The following PGGHG variants were observed in gnomAD, a reference collection of about 807,000 sequenced individuals.
PGGHG encodes the protein protein-glucosylgalactosylhydroxylysine glucosidase.
Under a neutral mutation model 74.5 loss-of-function variants are expected in PGGHG, and 67 were observed. The observed-to-expected ratio is 0.90, with a 90% CI of 0.74 to 1.10. The LOEUF (loss-of-function observed/expected upper bound fraction) is 1.10, where lower values mean the gene tolerates loss of function less well. Among genes scored for constraint, PGGHG ranks in the 50% least tolerant of loss-of-function variants. PGGHG has a pLI of 0.00. For synonymous variants in PGGHG, 496 were observed against 419.9 expected (o/e 1.18, Z -2.21); for missense variants, 1,034 against 981.5 (o/e 1.05, Z -0.72).
chr11:294,933 G>A lies in PGGHG; in HGVS notation c.*184G>A, dbSNP rs1471133928. 1.7e-5 allele frequency: 11 copies of A among 666,190 alleles called. No homozygotes were observed. Among genetic ancestry groups the A allele is most frequent in the Admixed American group, 3.3e-5 (1 of 30,672 alleles). 41.3% of individuals were successfully genotyped at this position (666,190 alleles called of 1,614,324 possible). ...GTAGCCTGGACTCCCGTGGACCCCC[G>A]TGGGCAGGTGGCTTCCCCGTGGCAT... On this transcript the variant is annotated 3_prime_UTR_variant, in exon 14 of 14. Coordinates refer to ENST00000409548, the MANE Select transcript of PGGHG (RefSeq NM_025092.5).
chr11:294,198 T>A lies in PGGHG; in HGVS notation c.1808+2T>A. On this transcript the variant is annotated splice_donor_variant, in intron 12 of 13. Coordinates refer to ENST00000409548, the MANE Select transcript of PGGHG (RefSeq NM_025092.5). LOFTEE classifies it high-confidence loss of function. The stretch of plus-strand genomic sequence containing the variant: ...GGTCTTCGGGTGCACGGGGTTCAGG[T>A]AAGTGCAGAGGCTGGCAGAGGGCAG... The A allele has an allele frequency of 6.2e-7, 1 of 1,607,860 alleles. No homozygotes were observed. Among genetic ancestry groups the A allele is most frequent in the Non-Finnish European group, 8.5e-7 (1 of 1,176,802 alleles).
intron 5 of PGGHG, among the ~76,000 whole-genome samples, chr11:292,330 G>C (rs952329579): frequency 2.8e-4 from 42 of 152,126 alleles, no homozygotes. Flanking sequence ...CCCCTGGGGT[G>C]CCCTTGCTGC....
intron 2 of PGGHG, 112 bp downstream of exon 2, chr11:290,187 C>T: frequency 7.0e-7 from 1 of 1,431,052 alleles, no homozygotes; most frequent in Non-Finnish European, 9.2e-7. Flanking sequence ...GGAAGTCTCA[C>T]TAAGACAGGA....
At position 289,976 on chromosome 11, in the gene PGGHG, C is replaced by G. The variant is rs1222429658; in HGVS notation, c.160C>G (p.His54Asp). Residue 54 changes from histidine (H) to aspartate (D), a missense_variant, in exon 2 of 14, where the codon CAC becomes GAC. By Grantham distance (81) the His-to-Asp change is moderately conservative (BLOSUM62 -1). Transcript: ENST00000409548. This position sits in a 1 kb window ranked among gnomAD's most constrained non-coding sequence, Gnocchi z 5.6. Reference sequence around the variant, plus strand: ...GTACAATGGGGCTGGCGGGGACACGCACCGGGCCATGCTGCCCAGCCCCCT... The same window carrying G: ...GTACAATGGGGCTGGCGGGGACACGGACCGGGCCATGCTGCCCAGCCCCCT... ...GVYNGAGGDT[H>D]RAMLPSPLNV... 6.5e-7 allele frequency: 1 copy of G among 1,549,656 alleles called. No individual in the cohort carries two copies. The highest frequency in any genetic ancestry group is 8.7e-7 in the Non-Finnish European group (1 of 1,146,882).
rs1845817489 is a variant in PGGHG, at chr11:294,435, G to A, written c.1977G>A (p.Glu659=). Reference sequence around the variant, plus strand: ...CAGGGCCCTGGGCTCCTCACCTGGAGGCTGAGCTGTGGCCATCCCAGTCCC... The same window carrying A: ...CAGGGCCCTGGGCTCCTCACCTGGAAGCTGAGCTGTGGCCATCCCAGTCCC... ...ARAGPWAPHL[E]AELWPSQSRL... The change falls in exon 13 of 14, where the codon GAG becomes GAA. Residue 659 remains glutamate (E), a synonymous_variant. Transcript: ENST00000409548. 6.4e-7 allele frequency: 1 copy of A among 1,568,750 alleles called. No homozygotes were observed. The highest frequency in any genetic ancestry group is 1.8e-5 in the Admixed American group (1 of 56,618).
chr11:292,477 G>A, intron 5 of PGGHG, 69 bp from the exon 6 acceptor site: 4 of 1,585,854 alleles, frequency 2.5e-6, no homozygotes, highest in Non-Finnish European at 3.4e-6. Context: ...CAGGGCGAGG[G>A]CACGGGAAAG....
At chr11:294,217 A>G in intron 12 of PGGHG, 21 bp downstream of exon 12, 3 of 1,596,512 alleles carry the variant, frequency 1.9e-6, no homozygotes, top group Non-Finnish European at 2.6e-6. Flanking sequence ...AGGCTGGCAG[A>G]GGGCAGCCCA....
intron 4 of PGGHG, chr11:291,462 G>T (rs1408614441): frequency 3.3e-6 from 1 of 298,754 alleles, no homozygotes; most frequent in African/African-American, 2.2e-5. Context: ...TATCAGGACG[G>T]GGACCTGTGG....
chr11:291,928 G>C (rs367923655), intron 4 of PGGHG, 48 bp from the exon 5 acceptor site: 7 of 1,556,390 alleles, frequency 4.5e-6, no homozygotes, highest in Non-Finnish European at 5.2e-6. Flanking sequence ...GGAGGGGCGG[G>C]AGCAGTGACG....
At chr11:292,489 T>TG (rs1275473672) in intron 5 of PGGHG, 57 bp from the exon 6 acceptor site, 50 of 1,595,264 alleles carry the variant, frequency 3.1e-5, no homozygotes, top group Non-Finnish European at 4.2e-5. Flanking sequence ...ACGGGAAAGT[T>TG]GGGGGGCCAC....
rs149481543 is a variant in PGGHG at position 293,829 on chromosome 11, G to A, written c.1615-1G>A. On this transcript the variant is annotated splice_acceptor_variant, in intron 10 of 13. Coordinates refer to ENST00000409548, the MANE Select transcript of PGGHG (RefSeq NM_025092.5). LOFTEE classifies it high-confidence loss of function. ...GTGTGTCCTCTTACCTCTGACCCCA[G>A]AGCATGTTTGCTGTGGGCTGGATGG... The A allele has an allele frequency of 1.4e-4, 221 of 1,613,570 alleles. No homozygotes were observed. The highest frequency in any genetic ancestry group is 1.8e-4 in the Non-Finnish European group (209 of 1,180,004).
rs139389005 is a variant in PGGHG, at chr11:293,702, C to G, written c.1589C>G (p.Ser530Cys). 101 of 1,613,160 alleles carry G rather than the reference C, an allele frequency of 6.3e-5. No individual in the cohort carries two copies. The African/African-American group carries it at 1.1e-3, about 18-fold the overall frequency. ...KNLEIYEAVT[S>C]PQGPAMTWSM... ...CTGGAGATTTACGAGGCTGTGACGT[C>G]CCCCCAGGGCCCCGCCATGACCTGG... Residue 530 changes from serine (S) to cysteine (C), a missense_variant, in exon 10 of 14, where the codon TCC becomes TGC. Transcript: ENST00000409548.
At chr11:293,268 C>G in intron 8 of PGGHG, 33 bp downstream of exon 8, 1 of 1,605,784 alleles carries the variant, frequency 6.2e-7, no homozygotes, top group Non-Finnish European at 8.5e-7. Context: ...CTCACCCCAC[C>G]CCCGCCCCAG....
Position 294,992 on chromosome 11 carries a change from A to G in PGGHG, c.*243A>G, listed in dbSNP as rs899061908. On this transcript the variant is annotated 3_prime_UTR_variant, in exon 14 of 14. Transcript: ENST00000409548. ...CGCCTCTGCCTGCCCCTGTGGACTG[A>G]TGCTATCGCGCACCGTCCCACGACC... The G allele has an allele frequency of 4.2e-6, 2 of 474,966 alleles. No homozygotes were observed. Among genetic ancestry groups the G allele is most frequent in the Non-Finnish European group, 7.4e-6 (2 of 271,240 alleles). The allele number at this position is 474,966 out of a possible 1,614,324, so 29.4% of individuals were successfully genotyped here.
chr11:290,517 C>T lies in PGGHG; in HGVS notation c.387C>T (p.Pro129=), dbSNP rs762873351. The change falls in exon 3 of 14, where the codon CCC becomes CCT. Residue 129 remains proline (P), a synonymous_variant. Coordinates refer to ENST00000409548, the MANE Select transcript of PGGHG (RefSeq NM_025092.5). ...SIARLAPGSG[P]ITLLLRSAFS... ...CCCGCCTGGCCCCGGGGAGCGGGCCCATCACGCTGCTCCTGCGGTCAGCCT... is the reference window on the plus strand; with the variant it reads ...CCCGCCTGGCCCCGGGGAGCGGGCCTATCACGCTGCTCCTGCGGTCAGCCT... The T allele has an allele frequency of 1.3e-6, 2 of 1,550,424 alleles. No individual in the cohort carries two copies. Among genetic ancestry groups the T allele is most frequent in the African/African-American group, 2.7e-5 (2 of 73,062 alleles).
In PGGHG at chr11:290,952, C is replaced by A. The variant is rs369804174; in HGVS notation, c.745C>A (p.Pro249Thr). The change falls in exon 4 of 14, where the codon CCC becomes ACC. Residue 249 changes from proline to threonine, a missense_variant. Transcript: ENST00000409548. ...WVECGLDVVG[P>T]LQLRQALRGS... ...AGAATGTGGCTTGGACGTGGTGGGG[C>A]CCCTGCAGCTGCGCCAGGCCCTGCG... is the stretch of plus-strand genomic sequence containing the variant. The A allele has an allele frequency of 3.1e-6, 5 of 1,611,942 alleles. No individual in the cohort carries two copies. Among genetic ancestry groups the A allele is most frequent in the Non-Finnish European group, 4.2e-6 (5 of 1,179,672 alleles).
At chr11:291,451 C>G (rs1376249819) in intron 4 of PGGHG, 2 of 316,970 alleles carry the variant, frequency 6.3e-6, no homozygotes, top group African/African-American at 4.3e-5. Context: ...CTCCAGGGAC[C>G]TATCAGGACG....
At position 290,700 on chromosome 11, in the gene PGGHG, AC is replaced by A; in HGVS notation, c.497del (p.Pro166LeufsTer22). ...CAGGTACCTGTATGGCCACACCCTC[AC>A]CCCTGAGCAGCCCGGGGGGCCACAG... ...GARYLYGHTL[T>X]PEQPGGPQQE... On this transcript the variant is annotated frameshift_variant, in exon 4 of 14. Coordinates refer to ENST00000409548, the MANE Select transcript of PGGHG (RefSeq NM_025092.5). LOFTEE classifies it high-confidence loss of function. The A allele has an allele frequency of 6.2e-7, 1 of 1,603,172 alleles. No individual in the cohort carries two copies. The highest frequency in any genetic ancestry group is 8.5e-7 in the Non-Finnish European group (1 of 1,173,334).
At position 290,031 on chromosome 11, in the gene PGGHG, TG is replaced by T; in HGVS notation, c.220del (p.Glu74SerfsTer3). On this transcript the variant is annotated frameshift_variant, in exon 2 of 14. Coordinates refer to ENST00000409548, the MANE Select transcript of PGGHG (RefSeq NM_025092.5). LOFTEE classifies it high-confidence loss of function. Reference protein sequence around the residue: ...LNVRLEAPAGMGEQLTETFAL... With the variant: ...LNVRLEAPAGXGEQLTETFAL... ...GTCCGGCTGGAGGCCCCTGCAGGGA[TG>T]GGGGAGCAGCTGACCGAGACCTTCG... 1 of 1,544,222 alleles carries T rather than the reference TG, an allele frequency of 6.5e-7. No homozygotes were observed. Among genetic ancestry groups the T allele is most frequent in the Non-Finnish European group, 8.7e-7 (1 of 1,146,256 alleles).
Sources: gnomAD v4.1 joint callset for allele counts (sites outside exome capture counted in the v4.1 genomes callset) on GRCh38, gnomAD v4.1.1 for gene constraint, Gnocchi (gnomAD v3.1) non-coding constraint, MANE v1.5 for transcripts, NCBI Gene and HGNC (gene_info 2026-07-23, HGNC 2026-07-21) for gene names.